Variants in KLHDC4 observed in about 807,000 individuals in gnomAD.
The protein encoded by KLHDC4 is kelch domain-containing protein 4.
A neutral mutation model predicts 62.4 loss-of-function variants in KLHDC4; 90 were observed. The ratio of observed to expected loss-of-function variants is 1.44; its 90% CI spans 1.22 to 1.72. The LOEUF (loss-of-function observed/expected upper bound fraction) is 1.72, where lower values mean the gene tolerates loss of function less well. Among genes scored for constraint, KLHDC4 ranks in the 40% most tolerant of loss-of-function variants. The pLI is 0.00. For synonymous variants in KLHDC4, 386 were observed against 284.4 expected (o/e 1.36, Z -3.59); for missense variants, 1,025 against 699.7 (o/e 1.47, Z -5.25).
chr16:87,760,546 G>T (rs2045713642), intron 2 of KLHDC4, among the ~76,000 whole-genome samples: 1 of 146,318 alleles, frequency 6.8e-6, no homozygotes, highest in Admixed American at 6.9e-5. Context: ...GGCAGAGCTT[G>T]CAGTGAACCA....
chr16:87,709,118 C>G (rs1237327090), intron 10 of KLHDC4, 147 bp downstream of exon 10: 1 of 1,058,044 alleles, frequency 9.5e-7, no homozygotes, highest in South Asian at 1.5e-5. Context: ...TGTTCTCCGT[C>G]AATCTGACCG....
chr16:87,708,488 A>G (rs769190818), intron 10 of KLHDC4, 22 bp from the exon 11 acceptor site: 1 of 1,570,524 alleles, frequency 6.4e-7, no homozygotes, highest in South Asian at 1.1e-5. Flanking sequence ...GAATGAACGC[A>G]CATACACGTC....
At chr16:87,723,502 A>G (rs1016000789) in intron 7 of KLHDC4, among the ~76,000 whole-genome samples, 8 of 152,242 alleles carry the variant, frequency 5.3e-5, no homozygotes, top group African/African-American at 1.9e-4. Context: ...AAAGCACTAG[A>G]CCGGGGCATC....
At chr16:87,748,191 G>A (rs573084688) in intron 5 of KLHDC4, among the ~76,000 whole-genome samples, 2 of 152,346 alleles carry the variant, frequency 1.3e-5, no homozygotes, top group South Asian at 2.1e-4. Flanking sequence ...CCCGACAGAG[G>A]TGGAAATCAA....
At chr16:87,714,475 C>A in intron 8 of KLHDC4, 23 bp downstream of exon 8, 1 of 1,613,734 alleles carries the variant, frequency 6.2e-7, no homozygotes, top group Non-Finnish European at 8.5e-7. Context: ...CCAGCTCCCG[C>A]CCTGGAGGCA....
downstream of KLHDC4, among the ~76,000 whole-genome samples, chr16:87,706,563 G>C (rs190112026): frequency 2.7e-4 from 41 of 152,336 alleles, no homozygotes; most frequent in African/African-American, 8.4e-4. Flanking sequence ...CACCAGGGAA[G>C]AGGCAGTGCC....
chr16:87,763,146 C>A (rs1009066166), intron 1 of KLHDC4, among the ~76,000 whole-genome samples: 12 of 152,182 alleles, frequency 7.9e-5, no homozygotes, highest in African/African-American at 2.7e-4. Context: ...GTATACGGTT[C>A]CCAGGGTAAG....
chr16:87,730,434 T>A, intron 6 of KLHDC4, 118 bp downstream of exon 6: 2 of 854,670 alleles, frequency 2.3e-6, no homozygotes, highest in South Asian at 3.6e-5. Flanking sequence ...CCAAAGCTCA[T>A]GAAGCTGGAT....
chr16:87,720,722 T>C (rs1181690937), intron 7 of KLHDC4, among the ~76,000 whole-genome samples: 1 of 152,222 alleles, frequency 6.6e-6, no homozygotes, highest in South Asian at 2.1e-4. Flanking sequence ...ACCCTGTCGG[T>C]TACGGTTAGC....
At chr16:87,739,480 C>G (rs967821733) in intron 5 of KLHDC4, among the ~76,000 whole-genome samples, 1 of 147,464 alleles carries the variant, frequency 6.8e-6, no homozygotes, top group African/African-American at 2.5e-5. Flanking sequence ...CATCCACACA[C>G]CAGCACGTCA....
exon 1 of KLHDC4, chr16:87,698,554 T>A (rs2033999489): frequency 6.6e-6 from 1 of 152,242 alleles, no homozygotes; most frequent in Admixed American, 6.5e-5. Flanking sequence ...CTAGGGGCAG[T>A]CAGCTCCTGC....
At chr16:87,762,696 A>G (rs895712385) in intron 1 of KLHDC4, among the ~76,000 whole-genome samples, 6 of 152,206 alleles carry the variant, frequency 3.9e-5, no homozygotes, top group African/African-American at 1.2e-4. Flanking sequence ...AACTTTTACT[A>G]CCATCGAGAG....
At chr16:87,724,447 G>T (rs1189370333) in intron 7 of KLHDC4, among the ~76,000 whole-genome samples, 1 of 152,132 alleles carries the variant, frequency 6.6e-6, no homozygotes, top group South Asian at 2.1e-4. Context: ...TACTGGGAGG[G>T]TATTTGTAAT....
chr16:87,711,347 A>G lies in KLHDC4; in HGVS notation c.932T>C (p.Phe311Ser). 6.2e-7 allele frequency: 1 copy of G among 1,614,012 alleles called. No homozygotes were observed. ...VAMAPNHQTL[F>S]FGGVCDEEEE... Reference sequence around the variant, plus strand: ...TTCCTCGTCACAGACACCCCCGAAGAACAGTGTCTGGTGATTCGGGGCCAT... The same window carrying G: ...TTCCTCGTCACAGACACCCCCGAAGGACAGTGTCTGGTGATTCGGGGCCAT... The change falls in exon 9 of 12, where the codon TTC becomes TCC. Residue 311 changes from phenylalanine to serine, a missense_variant. By Grantham distance (155) the Phe-to-Ser change is radical. Transcript: ENST00000270583.
chr16:87,736,390 C>G (rs1880243079), intron 5 of KLHDC4, among the ~76,000 whole-genome samples: 1 of 152,200 alleles, frequency 6.6e-6, no homozygotes, highest in South Asian at 2.1e-4. Flanking sequence ...CACTGCTGCA[C>G]CGGCGGCCTA....
chr16:87,748,333 C>A (rs1329947110), intron 5 of KLHDC4, among the ~76,000 whole-genome samples: 2 of 152,188 alleles, frequency 1.3e-5, no homozygotes, highest in Non-Finnish European at 2.9e-5. Context: ...ATGGGGCCCC[C>A]CTTCCAACAA....
downstream of KLHDC4, among the ~76,000 whole-genome samples, chr16:87,704,148 G>GGC (rs1320035682): frequency 6.6e-6 from 1 of 152,210 alleles, no homozygotes; most frequent in Non-Finnish European, 1.5e-5. Context: ...TCAAGCACAC[G>GGC]GCGCCGCCAC....
At chr16:87,734,494 G>A (rs939639695) in intron 5 of KLHDC4, among the ~76,000 whole-genome samples, 5 of 152,190 alleles carry the variant, frequency 3.3e-5, no homozygotes, top group East Asian at 1.9e-4. Flanking sequence ...AAGCTGGAGC[G>A]AATTCGGTTC....
intron 3 of KLHDC4, 53 bp downstream of exon 3, chr16:87,756,346 G>T: frequency 7.5e-7 from 1 of 1,330,578 alleles, no homozygotes; most frequent in Non-Finnish European, 1.1e-6. Flanking sequence ...TTAACTTTCT[G>T]TCAAATGATA....
Sources: gnomAD v4.1 joint callset for allele counts (sites outside exome capture counted in the v4.1 genomes callset) on GRCh38, gnomAD v4.1.1 for gene constraint, MANE v1.5 for transcripts, NCBI Gene and HGNC (gene_info 2026-07-23, HGNC 2026-07-21) for gene names.